IL1RAPL2: variants seen among roughly 807,000 people sequenced by gnomAD.
IL1RAPL2 encodes the protein X-linked interleukin-1 receptor accessory protein-like 2.
IL1RAPL2 carries 3 observed loss-of-function variants against 44.1 expected under a neutral mutation model. The ratio of observed to expected loss-of-function variants is 0.07; its 90% CI spans 0.03 to 0.18. IL1RAPL2 has a LOEUF of 0.18. IL1RAPL2 is among the 10% of genes least tolerant of loss of function. The pLI, the probability that IL1RAPL2 is intolerant of heterozygous loss-of-function variation, is 1.00. For synonymous variants in IL1RAPL2, 181 were observed against 178.8 expected, an observed-to-expected ratio of 1.01 and a Z score of -0.10; for missense variants, 391 against 496.4, an observed-to-expected ratio of 0.79 and a Z score of 2.02.
chrX:105,691,480 C>T (rs2038035197), intron 6 of IL1RAPL2, among the ~76,000 whole-genome samples: 1 of 111,655 alleles, frequency 9.0e-6, no homozygotes, highest in Non-Finnish European at 1.9e-5. Flanking sequence ...TACCACAAGA[C>T]CAAATTCTCA....
intron 1 of IL1RAPL2, among the ~76,000 whole-genome samples, chrX:104,604,089 C>T (rs994501480): frequency 8.9e-6 from 1 of 112,304 alleles, no homozygotes; most frequent in Non-Finnish European, 1.9e-5. Flanking sequence ...GGAAGCCCAT[C>T]AGACTAACAG....
chrX:105,710,536 G>A (rs547537854), intron 6 of IL1RAPL2, among the ~76,000 whole-genome samples: 82 of 109,265 alleles, frequency 7.5e-4, no homozygotes, highest in Middle Eastern at 9.5e-3. Context: ...CTCTGTGACT[G>A]TTTCATTTAA....
At chrX:104,567,553 A>G (rs1356686404) in intron 1 of IL1RAPL2, among the ~76,000 whole-genome samples, 3 of 112,082 alleles carry the variant, frequency 2.7e-5, no homozygotes, top group Non-Finnish European at 5.6e-5. Flanking sequence ...AGATCGCTGG[A>G]TATCTGGGGC....
At chrX:105,115,638 C>A (rs2032848619) in intron 2 of IL1RAPL2, among the ~76,000 whole-genome samples, 2 of 112,833 alleles carry the variant, frequency 1.8e-5, no homozygotes, top group African/African-American at 6.4e-5. Context: ...CTTAGCTAGA[C>A]ATAAAGATTC....
Position 104,803,335 on chromosome X carries a change from A to T in IL1RAPL2, c.82+144340A>T, listed in dbSNP as rs1199785692. Among the ~76,000 whole-genome samples, 5 of 112,092 alleles carry T rather than the reference A, an allele frequency of 4.5e-5. No individual in the cohort carries two copies. In the East Asian group the frequency reaches 1.4e-3, roughly 32 times the overall value. ...TTCATATCCACACATGTCTGTGCTC[A>T]GTTTGGCAATGAATCACCTTCTAAA... On this transcript the variant is annotated intron_variant, in intron 2 of 10. Coordinates refer to ENST00000372582, the MANE Select transcript of IL1RAPL2 (RefSeq NM_017416.2).
At chrX:105,642,626 G>A (rs867676158) in intron 6 of IL1RAPL2, among the ~76,000 whole-genome samples, 2 of 111,932 alleles carry the variant, frequency 1.8e-5, no homozygotes, top group Middle Eastern at 9.2e-3. Flanking sequence ...TTGGCAATCA[G>A]GCTTCAGGGC....
At chrX:105,037,026 G>A (rs1448058092) in intron 2 of IL1RAPL2, among the ~76,000 whole-genome samples, 1 of 112,077 alleles carries the variant, frequency 8.9e-6, no homozygotes, top group Non-Finnish European at 1.9e-5. Flanking sequence ...AGAAGATGAA[G>A]TCATTCTTCT....
intron 2 of IL1RAPL2, among the ~76,000 whole-genome samples, chrX:105,179,143 C>T (rs2033503971): frequency 1.8e-5 from 2 of 110,870 alleles, no homozygotes; most frequent in African/African-American, 6.7e-5. Context: ...ATTTAAGTCT[C>T]TAATCCTTGT....
chrX:105,630,196 C>G (rs1027133616), intron 6 of IL1RAPL2, among the ~76,000 whole-genome samples: 2 of 111,541 alleles, frequency 1.8e-5, no homozygotes, highest in African/African-American at 6.5e-5. Flanking sequence ...CTGTTTACCT[C>G]TTCCCTGTGA....
At chrX:104,875,609 T>G (rs1265851485) in intron 2 of IL1RAPL2, among the ~76,000 whole-genome samples, 3 of 111,391 alleles carry the variant, frequency 2.7e-5, no homozygotes, top group African/African-American at 6.5e-5. Flanking sequence ...CTATCCTTGG[T>G]CTGGAACTCT....
intron 6 of IL1RAPL2, among the ~76,000 whole-genome samples, chrX:105,485,611 C>A (rs1478560973): frequency 1.8e-5 from 2 of 111,072 alleles, no homozygotes; most frequent in Non-Finnish European, 3.8e-5. Flanking sequence ...CACCCAAAAC[C>A]CTTCCTAGCC....
At chrX:105,173,142 G>A (rs1004088387) in intron 2 of IL1RAPL2, among the ~76,000 whole-genome samples, 1 of 110,960 alleles carries the variant, frequency 9.0e-6, no homozygotes, top group African/African-American at 3.3e-5. Context: ...TAAAAACAGA[G>A]TATGCAGAGC....
rs11339990 is a variant in IL1RAPL2, at chrX:105,358,702, CAA to C, written c.697+91173_697+91174del. ...AAAAAAAAAACACAACAACAACAAA[CAA>C]AAAAAAAAAAAGAAAAAGAAAATGG... On this transcript the variant is annotated intron_variant, in intron 5 of 10. Transcript: ENST00000372582. 4.4e-3 allele frequency among the ~76,000 whole-genome samples: 309 copies of C among 70,345 alleles called. 1 individual carries two copies. The highest frequency in any genetic ancestry group is 0.013 in the African/African-American group (292 of 22,899). 61.1% of individuals were successfully genotyped at this position (70,345 alleles called of 115,157 possible). A position where few individuals can be genotyped will look rare whatever the true frequency, so the allele number is the denominator to read the frequency against.
At position 105,470,017 on chromosome X, in the gene IL1RAPL2, T is replaced by C. The variant is rs764530488; in HGVS notation, c.698-14296T>C. Among the ~76,000 whole-genome samples the C allele has an allele frequency of 2.7e-5, 3 of 111,273 alleles. No individual in the cohort carries two copies. The East Asian group carries it at 8.5e-4, about 31-fold the overall frequency. On this transcript the variant is annotated intron_variant, in intron 5 of 10. Coordinates refer to ENST00000372582, the MANE Select transcript of IL1RAPL2 (RefSeq NM_017416.2). The stretch of plus-strand genomic sequence containing the variant: ...AATTTACACTAGACATAAAATAGAA[T>C]GCTATGGTGACAAAATCCTTTAAAA...
chrX:104,951,284 A>C (rs1329326386), intron 2 of IL1RAPL2, among the ~76,000 whole-genome samples: 3 of 112,359 alleles, frequency 2.7e-5, no homozygotes, highest in Non-Finnish European at 1.9e-5. Context: ...GATTCAGGAG[A>C]TCTCTATTTG....
chrX:104,649,430 A>G (rs1019298693), intron 1 of IL1RAPL2, among the ~76,000 whole-genome samples: 3 of 111,749 alleles, frequency 2.7e-5, no homozygotes, highest in Non-Finnish European at 5.7e-5. Flanking sequence ...GATAGAATCT[A>G]GTTAACATTA....
chrX:105,532,839 A>G (rs902769084), intron 6 of IL1RAPL2, among the ~76,000 whole-genome samples: 5 of 111,413 alleles, frequency 4.5e-5, no homozygotes, highest in African/African-American at 1.6e-4. Context: ...AAGGTATTTC[A>G]TATATACATA....
At chrX:105,461,867 T>C (rs2147766804) in intron 5 of IL1RAPL2, among the ~76,000 whole-genome samples, 1 of 110,932 alleles carries the variant, frequency 9.0e-6, no homozygotes, top group African/African-American at 3.3e-5. Flanking sequence ...TGTAGAGTAG[T>C]GTGTGTAAAT....
In IL1RAPL2 at chrX:104,816,146, G is replaced by A. The variant is rs145037746; in HGVS notation, c.82+157151G>A. ...GCCTGCTTAGAAAAAAAATAACTTT[G>A]TTGAGGATACTATATGACTTGTGAC... On this transcript the variant is annotated intron_variant, in intron 2 of 10. Transcript: ENST00000372582. Among the ~76,000 whole-genome samples the A allele has an allele frequency of 1.6e-3, 183 of 111,343 alleles. 1 individual carries two copies. Among genetic ancestry groups the A allele is most frequent in the East Asian group, 0.012 (43 of 3,552 alleles).
Sources: gnomAD v4.1 joint callset for allele counts (sites outside exome capture counted in the v4.1 genomes callset) on GRCh38, gnomAD v4.1.1 for gene constraint, MANE v1.5 for transcripts, NCBI Gene and HGNC (gene_info 2026-07-23, HGNC 2026-07-21) for gene names.